ZNF709: variants seen among roughly 807,000 people sequenced by gnomAD.
The protein encoded by ZNF709 is zinc finger protein 709.
In ZNF709, 15 loss-of-function variants were observed where a neutral mutation model predicts 10.6. The ratio of observed to expected loss-of-function variants is 1.41; its 90% CI spans 0.95 to 2.18. ZNF709 has a LOEUF of 2.18. Among genes scored for constraint, ZNF709 ranks in the 30% most tolerant of loss-of-function variants. ZNF709 has a pLI of 0.00. For synonymous variants in ZNF709, 194 were observed against 238.8 expected (o/e 0.81, Z 1.73); for missense variants, 589 against 774.0 (o/e 0.76, Z 2.84).
At chr19:12,480,584 G>A (rs1348385818) in intron 1 of ZNF709, among the ~76,000 whole-genome samples, 3 of 151,830 alleles carry the variant, frequency 2.0e-5, no homozygotes, top group African/African-American at 7.3e-5. Flanking sequence ...TCAGGAGGCT[G>A]AGGCAGGAGA....
At chr19:12,484,565 G>A (rs1970762272) in intron 1 of ZNF709, 90 bp downstream of exon 1, 11 of 1,506,298 alleles carry the variant, frequency 7.3e-6, no homozygotes, top group Non-Finnish European at 9.0e-6. Flanking sequence ...AGACAACGGC[G>A]GGGAGGCCTG....
In ZNF709 at chr19:12,484,739, C is replaced by T; in HGVS notation, c.-82G>A. 1.3e-6 allele frequency: 2 copies of T among 1,594,252 alleles called. No individual in the cohort carries two copies. The highest frequency in any genetic ancestry group is 1.7e-5 in the Admixed American group (1 of 59,858). ...GTCCTACCTCCACCTGAGGCCCTTC[C>T]TCCACCTGAGGGCCTTCTGGGGTGA... On this transcript the variant is annotated 5_prime_UTR_variant, in exon 1 of 4. Transcript: ENST00000397732.
chr19:12,466,470 T>A lies in ZNF709; in HGVS notation c.180A>T (p.Arg60Ser). The A allele has an allele frequency of 6.2e-7, 1 of 1,614,024 alleles. No individual in the cohort carries two copies. Among genetic ancestry groups the A allele is most frequent in the South Asian group, 1.1e-5 (1 of 91,078 alleles). ...KNIEDHKNQG[R>S]KLRSHMVERL... is the part of the protein sequence containing the mutation. ...TTGTAAGTACAACTCACCTTAGCTT[T>A]CTCCCCTGATTTTTGTGATCTTCAA... The change falls in exon 3 of 4, where the codon AGA becomes AGT. Residue 60 changes from arginine (R) to serine (S), a missense_variant. Coordinates refer to ENST00000397732, the MANE Select transcript of ZNF709 (RefSeq NM_152601.4).
At chr19:12,466,575 T>C in intron 2 of ZNF709, 56 bp from the exon 3 acceptor site, 1 of 1,607,566 alleles carries the variant, frequency 6.2e-7, no homozygotes, top group Non-Finnish European at 8.5e-7. Flanking sequence ...AGAAAAATTA[T>C]TAGATTCTAA....
rs1970698093 is a variant in ZNF709 at position 12,478,867 on chromosome 19, G to A, written c.3+5788C>T. ...AGGTGTGCAGCACGAGGAGAAGAGAGAAGGGTGACGCTTATGATGTGCACA... is the reference window on the plus strand; with the variant it reads ...AGGTGTGCAGCACGAGGAGAAGAGAAAAGGGTGACGCTTATGATGTGCACA... On this transcript the variant is annotated intron_variant, in intron 1 of 3. Coordinates refer to ENST00000397732, the MANE Select transcript of ZNF709 (RefSeq NM_152601.4). Among the ~76,000 whole-genome samples, 7 of 152,204 alleles carry A rather than the reference G, an allele frequency of 4.6e-5. 1 individual carries two copies. Among genetic ancestry groups the A allele is most frequent in the Admixed American group, 4.6e-4 (7 of 15,278 alleles).
At chr19:12,479,207 G>A (rs751145595) in intron 1 of ZNF709, among the ~76,000 whole-genome samples, 1 of 152,108 alleles carries the variant, frequency 6.6e-6, no homozygotes, top group Non-Finnish European at 1.5e-5. Context: ...AGAGGCTGAG[G>A]TGGGAAGATC....
chr19:12,479,133 T>A (rs919672189), intron 1 of ZNF709, among the ~76,000 whole-genome samples: 2 of 152,014 alleles, frequency 1.3e-5, no homozygotes, highest in African/African-American at 2.4e-5. Flanking sequence ...TAAGACTCCA[T>A]CACTACAAAA....
At position 12,466,739 on chromosome 19, in the gene ZNF709, T is replaced by G; in HGVS notation, c.115A>C (p.Asn39His). The G allele has an allele frequency of 6.2e-7, 1 of 1,614,066 alleles. No homozygotes were observed. Among genetic ancestry groups the G allele is most frequent in the Non-Finnish European group, 8.5e-7 (1 of 1,179,970 alleles). Residue 39 changes from asparagine to histidine, a missense_variant, in exon 2 of 4, where the codon AAC (asparagine) becomes CAC (histidine). By Grantham distance (68) the Asn-to-His change is moderately conservative. Around this residue, in one of 2 missense-constraint regions of ZNF709, gnomAD observed 418 missense variants for 496.3 expected, o/e 0.84. Coordinates refer to ENST00000397732, the MANE Select transcript of ZNF709 (RefSeq NM_152601.4). ...YRDVMQETFV[N>H]LASIGENWEE... is the part of the protein sequence containing the mutation. ...TCATTCTTACCTATAGAGGCCAAGT[T>G]AACAAAGGTTTCTTGCATCACATCT...
rs1970536363 is a variant in ZNF709 at position 12,463,799 on chromosome 19, C to T, written c.*197G>A. On this transcript the variant is annotated 3_prime_UTR_variant, in exon 4 of 4. Transcript: ENST00000397732. ...AAAATTAAGTGGGCATGGTCGTTCA[C>T]ACCTGTTGTCCCAGCTACTCAGGAA... 4.8e-6 allele frequency: 2 copies of T among 419,158 alleles called. No homozygotes were observed. The allele number at this position is 419,158 out of a possible 1,614,324, so 26.0% of individuals were successfully genotyped here.
chr19:12,472,444 C>T (rs1313115512), intron 1 of ZNF709, among the ~76,000 whole-genome samples: 2 of 151,418 alleles, frequency 1.3e-5, no homozygotes, highest in African/African-American at 4.9e-5. Flanking sequence ...ACTGCTTGAA[C>T]CCGGGAGGTG....
chr19:12,468,990 G>A (rs937648926), intron 1 of ZNF709, among the ~76,000 whole-genome samples: 1 of 151,954 alleles, frequency 6.6e-6, no homozygotes, highest in South Asian at 2.1e-4. Context: ...ACTGGCGCCC[G>A]CCACTATGCC....
chr19:12,468,384 A>G (rs1053883148), intron 1 of ZNF709, among the ~76,000 whole-genome samples: 2 of 152,044 alleles, frequency 1.3e-5, no homozygotes, highest in Admixed American at 6.6e-5. Context: ...CTGTTGATCT[A>G]TGACCTTACC....
chr19:12,482,646 G>A (rs1223490878), intron 1 of ZNF709, among the ~76,000 whole-genome samples: 1 of 152,046 alleles, frequency 6.6e-6, no homozygotes, highest in Non-Finnish European at 1.5e-5. Context: ...TCTAAAAATA[G>A]GCCCAAGGAA....
intron 1 of ZNF709, among the ~76,000 whole-genome samples, chr19:12,479,651 G>A (rs1302026900): frequency 2.0e-5 from 3 of 152,006 alleles, no homozygotes; most frequent in African/African-American, 7.3e-5. Context: ...CAGGTGGATC[G>A]CGAGATCAGG....
chr19:12,461,761 T>C lies in ZNF709; in HGVS notation c.*2235A>G, dbSNP rs1414181124. 2.0e-5 allele frequency: 3 copies of C among 152,172 alleles called. No homozygotes were observed. The highest frequency in any genetic ancestry group is 7.2e-5 in the African/African-American group (3 of 41,430). 9.4% of individuals were successfully genotyped at this position (152,172 alleles called of 1,614,324 possible). ...CTTTTGAAGACAATTTGTGGAAAACTACATCTTTGAAAATATGGCAGCTGG... is the reference window on the plus strand; with the variant it reads ...CTTTTGAAGACAATTTGTGGAAAACCACATCTTTGAAAATATGGCAGCTGG... On this transcript the variant is annotated 3_prime_UTR_variant, in exon 4 of 4. Coordinates refer to ENST00000397732, the MANE Select transcript of ZNF709 (RefSeq NM_152601.4).
chr19:12,467,709 C>T (rs1481509887), intron 1 of ZNF709, among the ~76,000 whole-genome samples: 3 of 151,826 alleles, frequency 2.0e-5, no homozygotes, highest in Middle Eastern at 3.4e-3. Context: ...CGTCTCTGCC[C>T]GGCGGCCCAT....
At chr19:12,483,449 T>TA (rs2145012952) in intron 1 of ZNF709, among the ~76,000 whole-genome samples, 1 of 152,074 alleles carries the variant, frequency 6.6e-6, no homozygotes, top group East Asian at 1.9e-4. Context: ...CCAACGCTCC[T>TA]AGCTTGATAT....
At chr19:12,477,999 C>T (rs1970690735) in intron 1 of ZNF709, among the ~76,000 whole-genome samples, 1 of 152,084 alleles carries the variant, frequency 6.6e-6, no homozygotes, top group Non-Finnish European at 1.5e-5. Flanking sequence ...TTGAATGAAC[C>T]CTTTGCAATG....
rs1332902637 is a variant in ZNF709, at chr19:12,461,572, C to T, written c.*2424G>A. ...ATAGTCACTGGTACTGTTAACAAAA[C>T]ATGGTGTTTATTACATAAATAATAC... On this transcript the variant is annotated 3_prime_UTR_variant, in exon 4 of 4. Coordinates refer to ENST00000397732, the MANE Select transcript of ZNF709 (RefSeq NM_152601.4). 1.3e-5 allele frequency: 2 copies of T among 152,196 alleles called. No individual in the cohort carries two copies. The highest frequency in any genetic ancestry group is 3.8e-4 in the East Asian group (2 of 5,200). The allele number at this position is 152,196 out of a possible 1,614,324, so 9.4% of individuals were successfully genotyped here. A position where few individuals can be genotyped will look rare whatever the true frequency, so the allele number is the denominator to read the frequency against.
Sources: gnomAD v4.1 joint callset for allele counts (sites outside exome capture counted in the v4.1 genomes callset) on GRCh38, gnomAD v4.1.1 for gene constraint, gnomAD v4.1.1 regional missense constraint, MANE v1.5 for transcripts, NCBI Gene and HGNC (gene_info 2026-07-23, HGNC 2026-07-21) for gene names.